Variants in ABCC11 observed in about 807,000 individuals in gnomAD.
ABCC11 encodes the protein ATP-binding cassette sub-family C member 11.
ABCC11 carries 135 observed loss-of-function variants against 149.3 expected under a neutral mutation model. That is an observed-to-expected ratio of 0.90 (90% CI 0.79 to 1.04). The LOEUF is 1.04. ABCC11 is among the 50% of genes least tolerant of loss of function. The pLI is 0.00. For synonymous variants in ABCC11, 665 were observed against 671.4 expected, an observed-to-expected ratio of 0.99 and a Z score of 0.15; for missense variants, 1,680 against 1,722.1, an observed-to-expected ratio of 0.98 and a Z score of 0.43.
intron 22 of ABCC11, among the ~76,000 whole-genome samples, chr16:48,185,272 TA>T (rs1370045220): frequency 6.6e-6 from 1 of 152,240 alleles, no homozygotes; most frequent in Admixed American, 6.5e-5. Context: ...ACCAAGAAAT[TA>T]AAAAGTTTAT....
rs148806728 is a variant in ABCC11, at chr16:48,199,737, G to A, written c.2082+539C>T. Among the ~76,000 whole-genome samples the A allele has an allele frequency of 9.9e-3, 1,359 of 136,890 alleles. 12 individuals carry two copies. The highest frequency in any genetic ancestry group is 0.036 in the Middle Eastern group (8 of 222). 89.8% of individuals were successfully genotyped at this position (136,890 alleles called of 152,430 possible). ...GTTCTGTTGCCCAGGCTGGAGTGCA[G>A]TGGCACTCACAGCTCACTGCAGCCT... On this transcript the variant is annotated intron_variant, in intron 15 of 29. Transcript: ENST00000356608.
rs367955367 is a variant in ABCC11 at position 48,203,212 on chromosome 16, C to T, written c.1878+16G>A. The T allele has an allele frequency of 4.7e-5, 73 of 1,559,716 alleles. No individual in the cohort carries two copies. Among genetic ancestry groups the T allele is most frequent in the Non-Finnish European group, 6.0e-5 (69 of 1,150,212 alleles). On this transcript the variant is annotated intron_variant, in intron 14 of 29. Transcript: ENST00000356608. ...ACCAACATTACACAGAGAAGGCAGG[C>T]TCGCCTCCCTCTCACCTCTGTCATG...
At chr16:48,182,743 A>G (rs1486700119) in intron 23 of ABCC11, among the ~76,000 whole-genome samples, 2 of 150,658 alleles carry the variant, frequency 1.3e-5, no homozygotes, top group African/African-American at 4.9e-5. Flanking sequence ...AGATCGCATC[A>G]CTGCACTCCA....
At chr16:48,184,741 G>A in intron 22 of ABCC11, 115 bp from the exon 23 acceptor site, 1 of 1,102,726 alleles carries the variant, frequency 9.1e-7, no homozygotes, top group East Asian at 2.5e-5. Flanking sequence ...CCCAGCAGCA[G>A]GGCCTGATTT....
intron 23 of ABCC11, among the ~76,000 whole-genome samples, 182 bp from the exon 24 acceptor site, chr16:48,178,868 G>A (rs1718612659): frequency 6.6e-6 from 1 of 152,146 alleles, no homozygotes; most frequent in South Asian, 2.1e-4. Context: ...GAGTTTAGCT[G>A]CAGCTGCGAT....
rs2150901525 is a variant in ABCC11, at chr16:48,224,403, A to T, written c.422T>A (p.Val141Asp). The change falls in exon 5 of 30, where the codon GTC becomes GAC. Residue 141 changes from valine (V) to aspartate (D), a missense_variant. Coordinates refer to ENST00000356608, the MANE Select transcript of ABCC11 (RefSeq NM_001370497.1). The stretch of plus-strand genomic sequence containing the variant: ...AGCTTTTTCAATCCCTCGCCTTGAG[A>T]CTTCTTCTTCCCAAAGGCGGTGAAG... Reference protein sequence around the residue: ...QRLHRLWEEEVSRRGIEKASV... With the variant: ...QRLHRLWEEEDSRRGIEKASV... The T allele has an allele frequency of 1.2e-6, 2 of 1,614,186 alleles. No homozygotes were observed. The highest frequency in any genetic ancestry group is 1.3e-5 in the African/African-American group (1 of 75,054).
At chr16:48,228,041 CACA>C (rs1970191061) in intron 3 of ABCC11, 77 bp from the exon 4 acceptor site, 1 of 1,207,456 alleles carries the variant, frequency 8.3e-7, no homozygotes, top group Non-Finnish European at 1.1e-6. Context: ...CATATTAAAA[CACA>C]ACGAGGTTAC....
intron 1 of ABCC11, among the ~76,000 whole-genome samples, chr16:48,232,885 G>A (rs1970498657): frequency 6.6e-6 from 1 of 152,138 alleles, no homozygotes; most frequent in Admixed American, 6.5e-5. Flanking sequence ...TGGTCCTGGT[G>A]TTCAGATATA....
chr16:48,192,737 G>T lies in ABCC11; in HGVS notation c.2509-20C>A. Reference sequence around the variant, plus strand: ...ATTGGTCTTCAAGAAAGAACAGGGGGTCTGACTGCAGGTGTCCGGGGGAAA... The same window carrying T: ...ATTGGTCTTCAAGAAAGAACAGGGGTTCTGACTGCAGGTGTCCGGGGGAAA... On this transcript the variant is annotated intron_variant, in intron 19 of 29. Transcript: ENST00000356608. The T allele has an allele frequency of 6.2e-7, 1 of 1,613,046 alleles. No individual in the cohort carries two copies. The highest frequency in any genetic ancestry group is 8.5e-7 in the Non-Finnish European group (1 of 1,179,056).
chr16:48,198,956 C>T (rs1462647252), intron 15 of ABCC11, among the ~76,000 whole-genome samples: 1 of 151,658 alleles, frequency 6.6e-6, no homozygotes, highest in Non-Finnish European at 1.5e-5. Context: ...ATTGCTTGAA[C>T]CTGGGAAGTG....
In ABCC11 at chr16:48,203,114, C is replaced by G. The variant is rs1462591888; in HGVS notation, c.1878+114G>C. The G allele has an allele frequency of 2.5e-6, 3 of 1,207,910 alleles. No individual in the cohort carries two copies. The East Asian group carries it at 7.9e-5, about 32-fold the overall frequency. 74.8% of individuals were successfully genotyped at this position (1,207,910 alleles called of 1,614,324 possible). ...CCTCCTGCAGCAGCTGCAGGAAAAA[C>G]TCCAACTGCTTTGGGAGGAAGAGCT... On this transcript the variant is annotated intron_variant, in intron 14 of 29. Transcript: ENST00000356608.
chr16:48,192,537 T>C lies in ABCC11; in HGVS notation c.2689A>G (p.Asn897Asp). Residue 897 changes from asparagine to aspartate, a missense_variant, in exon 20 of 30, where the codon AAC becomes GAC. Asn to Asp is a conservative substitution (Grantham distance 23). Coordinates refer to ENST00000356608, the MANE Select transcript of ABCC11 (RefSeq NM_001370497.1). ...VTRKASTALH[N>D]KLFNKVFRCP... ...GCCCATACCTTGTTGAAGAGCTTGT[T>C]GTGCAGGGCCGTGGATGCCTTCCTC... 1.2e-6 allele frequency: 2 copies of C among 1,614,234 alleles called. No individual in the cohort carries two copies. Among genetic ancestry groups the C allele is most frequent in the Non-Finnish European group, 8.5e-7 (1 of 1,180,028 alleles).
chr16:48,188,444 A>G (rs1966843347), intron 20 of ABCC11, among the ~76,000 whole-genome samples: 1 of 152,208 alleles, frequency 6.6e-6, no homozygotes, highest in Non-Finnish European at 1.5e-5. Context: ...AGGAGCAGCA[A>G]TCCTACTGGG....
chr16:48,209,140 C>T (rs1968696775), intron 11 of ABCC11, among the ~76,000 whole-genome samples: 1 of 152,148 alleles, frequency 6.6e-6, no homozygotes, highest in Non-Finnish European at 1.5e-5. Context: ...AAGGCTTCTA[C>T]AGAGCAGGTG....
At chr16:48,219,318 C>T (rs985631348) in intron 6 of ABCC11, among the ~76,000 whole-genome samples, 43 of 152,182 alleles carry the variant, frequency 2.8e-4, no homozygotes, top group African/African-American at 7.0e-4. Flanking sequence ...CACAGGCGCA[C>T]GCCACCACGC....
chr16:48,178,501 T>G, intron 24 of ABCC11, 96 bp downstream of exon 24: 18 of 1,169,130 alleles, frequency 1.5e-5, no homozygotes, highest in Non-Finnish European at 2.3e-5. Flanking sequence ...CCTGGGATGG[T>G]CTCAGGGCTC....
At chr16:48,239,239 A>G (rs1970838137) in intron 1 of ABCC11, among the ~76,000 whole-genome samples, 1 of 152,104 alleles carries the variant, frequency 6.6e-6, no homozygotes, top group Non-Finnish European at 1.5e-5. Flanking sequence ...TTAACTCAAG[A>G]TGGATTAAAT....
chr16:48,227,498 T>C (rs962759458), intron 4 of ABCC11, among the ~76,000 whole-genome samples: 2 of 148,920 alleles, frequency 1.3e-5, no homozygotes, highest in Admixed American at 6.7e-5. Flanking sequence ...AAAATAGTGA[T>C]AAAAATAAAA....
chr16:48,233,079 T>C (rs1970511926), intron 1 of ABCC11, among the ~76,000 whole-genome samples: 1 of 152,124 alleles, frequency 6.6e-6, no homozygotes, highest in South Asian at 2.1e-4. Flanking sequence ...TGCACGCTTG[T>C]GGTCTCAGCT....
Sources: gnomAD v4.1 joint callset for allele counts (sites outside exome capture counted in the v4.1 genomes callset) on GRCh38, gnomAD v4.1.1 for gene constraint, MANE v1.5 for transcripts, NCBI Gene and HGNC (gene_info 2026-07-23, HGNC 2026-07-21) for gene names.